GRIN2B: variants seen among roughly 807,000 people sequenced by gnomAD.
GRIN2B encodes glutamate ionotropic receptor NMDA type subunit 2B.
GRIN2B carries 5 observed loss-of-function variants against 114.5 expected under a neutral mutation model. The ratio of observed to expected loss-of-function variants is 0.04; its 90% CI spans 0.02 to 0.09. The LOEUF (loss-of-function observed/expected upper bound fraction) is 0.09. GRIN2B is among the 10% of genes least tolerant of loss of function. The pLI is 1.00. For missense variants in GRIN2B, 1,108 were observed against 1,943.5 expected (o/e 0.57, Z 8.08); for synonymous variants, 787 against 745.1 (o/e 1.06, Z -0.92).
intron 4 of GRIN2B, among the ~76,000 whole-genome samples, chr12:13,701,586 AT>A (rs1205073354): frequency 6.6e-6 from 1 of 152,006 alleles, no homozygotes; most frequent in Non-Finnish European, 1.5e-5. Flanking sequence ...TAGATGTCTA[AT>A]TTCATCCCTC....
chr12:13,941,101 G>A (rs1310976014), intron 2 of GRIN2B, among the ~76,000 whole-genome samples: 1 of 151,854 alleles, frequency 6.6e-6, no homozygotes, highest in Non-Finnish European at 1.5e-5. Flanking sequence ...TAGGTAGGAG[G>A]TAGATAGGAG....
chr12:13,779,839 G>A (rs1864074539), intron 3 of GRIN2B, among the ~76,000 whole-genome samples: 1 of 152,114 alleles, frequency 6.6e-6, no homozygotes, highest in Admixed American at 6.5e-5. Flanking sequence ...TGCCTCAGTT[G>A]CCCCATCTGT....
intron 2 of GRIN2B, among the ~76,000 whole-genome samples, chr12:13,872,381 C>T (rs1366956014): frequency 2.0e-5 from 3 of 149,968 alleles, no homozygotes; most frequent in East Asian, 2.0e-4. Flanking sequence ...CCTTGAACAA[C>T]GGAGTCAGAG....
intron 3 of GRIN2B, among the ~76,000 whole-genome samples, chr12:13,855,937 GA>G (rs1198150111): frequency 6.6e-6 from 1 of 152,156 alleles, no homozygotes; most frequent in Non-Finnish European, 1.5e-5. Flanking sequence ...TATGTGCTAG[GA>G]AGACGAAATT....
At chr12:13,898,225 T>C (rs116453652) in intron 2 of GRIN2B, among the ~76,000 whole-genome samples, 1,900 of 152,264 alleles carry the variant, frequency 0.012, 45 homozygotes, top group African/African-American at 0.043. Context: ...TGGAGGGGTT[T>C]TCCGAGTCAT....
At chr12:13,955,264 C>G (rs943022026) in intron 2 of GRIN2B, among the ~76,000 whole-genome samples, 1 of 152,150 alleles carries the variant, frequency 6.6e-6, no homozygotes, top group Non-Finnish European at 1.5e-5. Context: ...TCCTTGTTAG[C>G]AGAGAGATTT....
intron 5 of GRIN2B, among the ~76,000 whole-genome samples, chr12:13,665,863 A>G (rs1029169801): frequency 1.3e-5 from 2 of 152,286 alleles, no homozygotes; most frequent in Non-Finnish European, 2.9e-5. Flanking sequence ...TTTTGTGTTC[A>G]CTTTTCTATA....
chr12:13,656,393 A>C (rs960344654), intron 5 of GRIN2B, among the ~76,000 whole-genome samples: 22 of 152,208 alleles, frequency 1.4e-4, no homozygotes, highest in African/African-American at 5.3e-4. Context: ...TTCTGTGTGC[A>C]CGTAACCATG....
At chr12:13,566,758 AT>A (rs1948646242) in intron 13 of GRIN2B, among the ~76,000 whole-genome samples, 2 of 152,246 alleles carry the variant, frequency 1.3e-5, no homozygotes, top group Non-Finnish European at 2.9e-5. Context: ...CAAATTTTCC[AT>A]TTTGACAGAT....
At chr12:13,604,190 A>G (rs578092400) in intron 10 of GRIN2B, among the ~76,000 whole-genome samples, 86 of 152,274 alleles carry the variant, frequency 5.6e-4, no homozygotes, top group African/African-American at 2.1e-3. Context: ...GATGGAACGT[A>G]CAGTCGGGTT....
At chr12:13,733,836 T>C (rs1444971441) in intron 4 of GRIN2B, among the ~76,000 whole-genome samples, 1 of 152,222 alleles carries the variant, frequency 6.6e-6, no homozygotes, top group African/African-American at 2.4e-5. Context: ...AGGGCTCACG[T>C]CTTCTAAATT....
At chr12:13,948,754 T>A (rs1291787082) in intron 2 of GRIN2B, among the ~76,000 whole-genome samples, 2 of 152,014 alleles carry the variant, frequency 1.3e-5, no homozygotes, top group African/African-American at 2.4e-5. Flanking sequence ...TACTTTTGAG[T>A]AAAGACTCAA....
At chr12:13,592,767 C>A (rs7967569) in intron 10 of GRIN2B, among the ~76,000 whole-genome samples, 12,675 of 152,212 alleles carry the variant, frequency 0.083, 873 homozygotes, top group African/African-American at 0.19. Context: ...TTCACATCCA[C>A]AAAATCAAAA....
intron 10 of GRIN2B, among the ~76,000 whole-genome samples, chr12:13,590,109 T>G (rs971057872): frequency 2.0e-5 from 3 of 152,130 alleles, no homozygotes; most frequent in African/African-American, 7.2e-5. Flanking sequence ...TGAGAGAGCT[T>G]GAAGTAGAAT....
At chr12:13,657,859 G>A (rs186978890) in intron 5 of GRIN2B, among the ~76,000 whole-genome samples, 6 of 152,184 alleles carry the variant, frequency 3.9e-5, no homozygotes, top group East Asian at 1.9e-4. Flanking sequence ...TTATAAAACA[G>A]GATGTATAAT....
intron 4 of GRIN2B, among the ~76,000 whole-genome samples, chr12:13,729,649 G>A (rs960575769): frequency 6.6e-5 from 10 of 152,084 alleles, no homozygotes; most frequent in Non-Finnish European, 1.5e-4. Context: ...TTGCTCATTC[G>A]AGAACTTCCA....
chr12:13,585,238 G>C (rs1416530118), intron 10 of GRIN2B, among the ~76,000 whole-genome samples: 3 of 152,180 alleles, frequency 2.0e-5, no homozygotes, highest in African/African-American at 7.2e-5. Context: ...TCAGAGTCAT[G>C]AAGCTGGGGT....
At position 13,667,794 on chromosome 12, in the gene GRIN2B, C is replaced by A. The variant is rs150035129; in HGVS notation, c.1125+7951G>T. On this transcript the variant is annotated intron_variant, in intron 5 of 13. Transcript: ENST00000609686. Reference sequence around the variant, plus strand: ...ACACAGAATGCACAGAAAAAAAACACTGGAAAGAAATTTTAAAATATAACT... The same window carrying A: ...ACACAGAATGCACAGAAAAAAAACAATGGAAAGAAATTTTAAAATATAACT... 4.4e-3 allele frequency among the ~76,000 whole-genome samples: 675 copies of A among 152,170 alleles called. 7 individuals are homozygous for A. Among genetic ancestry groups the A allele is most frequent in the African/African-American group, 0.016 (648 of 41,528 alleles).
At chr12:13,765,694 T>TA (rs2136640828) in intron 3 of GRIN2B, among the ~76,000 whole-genome samples, 1 of 152,380 alleles carries the variant, frequency 6.6e-6, no homozygotes, top group African/African-American at 2.4e-5. Context: ...GTCCATGCAG[T>TA]ATGTGAATAT....
Sources: allele counts gnomAD v4.1 joint callset (sites outside exome capture counted in the v4.1 genomes callset), GRCh38; gene constraint gnomAD v4.1.1; transcripts MANE v1.5; gene names NCBI Gene and HGNC (gene_info 2026-07-23, HGNC 2026-07-21).